LIMA1: variants seen among roughly 807,000 people sequenced by gnomAD.
LIMA1 encodes the protein LIM domain and actin binding 1, also known as LIM domain and actin-binding protein 1.
In LIMA1, 52 loss-of-function variants were observed where a neutral mutation model predicts 62.6. The ratio of observed to expected loss-of-function variants is 0.83; its 90% CI spans 0.67 to 1.05. The LOEUF is 1.05. Among genes scored for constraint, LIMA1 ranks in the 50% least tolerant of loss-of-function variants. The probability of loss-of-function intolerance (pLI) is 0.00; values close to 1 mark genes in which losing one functional copy is unlikely to be tolerated. For synonymous variants in LIMA1, 302 were observed against 317.8 expected (o/e 0.95, Z 0.53); for missense variants, 780 against 902.2 (o/e 0.86, Z 1.74).
At chr12:50,239,013 CAG>C (rs755379294) in intron 2 of LIMA1, among the ~76,000 whole-genome samples, 4 of 152,080 alleles carry the variant, frequency 2.6e-5, no homozygotes, top group Admixed American at 6.6e-5. Context: ...TTCTCCATTT[CAG>C]AGAGAAATTC....
intron 3 of LIMA1, among the ~76,000 whole-genome samples, chr12:50,224,004 C>T (rs1941490069): frequency 6.6e-6 from 1 of 151,854 alleles, no homozygotes; most frequent in South Asian, 2.1e-4. Flanking sequence ...CGCCACTGCA[C>T]TCCAGTCCGG....
At chr12:50,184,934 C>T (rs998036784) in intron 9 of LIMA1, among the ~76,000 whole-genome samples, 4 of 152,162 alleles carry the variant, frequency 2.6e-5, no homozygotes, top group South Asian at 4.1e-4. Context: ...CGGGTTCAAG[C>T]GATTCTCCTG....
At chr12:50,178,125 A>G in intron 10 of LIMA1, 56 bp from the exon 11 acceptor site, 1 of 1,316,422 alleles carries the variant, frequency 7.6e-7, no homozygotes, top group Non-Finnish European at 1.0e-6. Context: ...TCTCACTTAT[A>G]CCAGGAGGCT....
intron 1 of LIMA1, among the ~76,000 whole-genome samples, chr12:50,282,052 G>T (rs532514556): frequency 6.6e-6 from 1 of 152,140 alleles, no homozygotes; most frequent in Non-Finnish European, 1.5e-5. Context: ...TAATTACCTA[G>T]TACATTATAT....
intron 4 of LIMA1, among the ~76,000 whole-genome samples, chr12:50,210,175 C>A (rs141694789): frequency 1.3e-5 from 2 of 151,990 alleles, no homozygotes; most frequent in East Asian, 3.9e-4. Flanking sequence ...GTAATCCTAG[C>A]ACTTTGGGAG....
intron 6 of LIMA1, 31 bp downstream of exon 6, chr12:50,204,521 A>T: frequency 6.3e-7 from 1 of 1,595,806 alleles, no homozygotes; most frequent in Non-Finnish European, 8.6e-7. Flanking sequence ...TGATGGAATG[A>T]ATGAATGAAT....
At chr12:50,191,203 T>G (rs1940761323) in intron 9 of LIMA1, 2 of 150,936 alleles carry the variant, frequency 1.3e-5, no homozygotes, top group Admixed American at 6.6e-5. Flanking sequence ...GCACATCTCG[T>G]CCAATGTGCT....
chr12:50,210,636 A>C (rs547091310), intron 4 of LIMA1, among the ~76,000 whole-genome samples: 7 of 152,300 alleles, frequency 4.6e-5, no homozygotes, highest in African/African-American at 1.4e-4. Flanking sequence ...TTGGGAGCAT[A>C]ATCATTTAGA....
intron 1 of LIMA1, among the ~76,000 whole-genome samples, chr12:50,282,332 G>A (rs1333707905): frequency 6.6e-6 from 1 of 152,042 alleles, no homozygotes; most frequent in Non-Finnish European, 1.5e-5. Flanking sequence ...GCAGATAAAA[G>A]GTACTGTGTT....
chr12:50,206,456 T>A (rs1941155524), intron 4 of LIMA1, among the ~76,000 whole-genome samples: 1 of 152,252 alleles, frequency 6.6e-6, no homozygotes, highest in South Asian at 2.1e-4. Flanking sequence ...GTCTTCATCA[T>A]CTTTCCCCTG....
chr12:50,281,181 A>AT (rs1387503341), intron 1 of LIMA1, among the ~76,000 whole-genome samples: 1 of 152,058 alleles, frequency 6.6e-6, no homozygotes, highest in Admixed American at 6.6e-5. Context: ...TCTTTGATAA[A>AT]TTTTTTTGGT....
chr12:50,188,641 G>C (rs1407533803), intron 9 of LIMA1: 1 of 152,286 alleles, frequency 6.6e-6, no homozygotes, highest in Admixed American at 6.5e-5. Flanking sequence ...ATGGGTCTGA[G>C]GCAGAGACAG....
chr12:50,275,396 G>C (rs1205221620), intron 1 of LIMA1, among the ~76,000 whole-genome samples: 8 of 151,900 alleles, frequency 5.3e-5, no homozygotes, highest in Non-Finnish European at 1.2e-4. Flanking sequence ...GTTCTTAATT[G>C]TTTATATGTG....
At chr12:50,192,957 T>G (rs1489747456) in intron 8 of LIMA1, among the ~76,000 whole-genome samples, 1 of 151,618 alleles carries the variant, frequency 6.6e-6, no homozygotes, top group Non-Finnish European at 1.5e-5. Context: ...GGGGGAGATG[T>G]GAGGGCAGAA....
intron 10 of LIMA1, among the ~76,000 whole-genome samples, chr12:50,180,137 T>A (rs1400202717): frequency 6.6e-6 from 1 of 151,656 alleles, no homozygotes; most frequent in Non-Finnish European, 1.5e-5. Flanking sequence ...CTCATCTCTA[T>A]GAAAAATACA....
At chr12:50,215,326 C>A (rs1301473725) in intron 4 of LIMA1, among the ~76,000 whole-genome samples, 1 of 152,036 alleles carries the variant, frequency 6.6e-6, no homozygotes, top group Non-Finnish European at 1.5e-5. Flanking sequence ...CTAATAAGAA[C>A]TGAAATTCAG....
intron 9 of LIMA1, chr12:50,186,652 C>T (rs929823375): frequency 2.0e-5 from 3 of 152,180 alleles, no homozygotes; most frequent in African/African-American, 4.8e-5. Flanking sequence ...ATCCTAAAAC[C>T]TTGCTATATA....
intron 3 of LIMA1, among the ~76,000 whole-genome samples, chr12:50,223,153 T>TC (rs966936087): frequency 1.3e-5 from 2 of 152,146 alleles, no homozygotes; most frequent in East Asian, 1.9e-4. Flanking sequence ...CTTTTTTTTT[T>TC]CCCTGCTCTT....
chr12:50,222,147 G>A lies in LIMA1; in HGVS notation c.504C>T (p.Ser168=). 1 of 1,614,104 alleles carries A rather than the reference G, an allele frequency of 6.2e-7. No homozygotes were observed. The highest frequency in any genetic ancestry group is 8.5e-7 in the Non-Finnish European group (1 of 1,180,010). Residue 168 remains serine, a synonymous_variant, in exon 4 of 11, where the codon TCC becomes TCT. Transcript: ENST00000341247. ...SKKMENCLGE[S]RHEVEKSEIS... is the part of the protein sequence containing the mutation. Reference sequence around the variant, plus strand: ...TTTCTGATTTTTCTACTTCATGCCTGGATTCTCCTAGACAATTTTCCATTT... The same window carrying A: ...TTTCTGATTTTTCTACTTCATGCCTAGATTCTCCTAGACAATTTTCCATTT...
Sources: allele counts gnomAD v4.1 joint callset (sites outside exome capture counted in the v4.1 genomes callset), GRCh38; gene constraint gnomAD v4.1.1; transcripts MANE v1.5; gene names NCBI Gene and HGNC (gene_info 2026-07-23, HGNC 2026-07-21).